Variants in CUX1 observed in about 807,000 individuals in gnomAD.
CUX1 encodes the protein protein CASP.
In CUX1, 31 loss-of-function variants were observed where a neutral mutation model predicts 158.8. The ratio of observed to expected loss-of-function variants is 0.20; its 90% confidence interval spans 0.15 to 0.26. The LOEUF (loss-of-function observed/expected upper bound fraction) is 0.26. Among genes scored for constraint, CUX1 ranks in the 10% least tolerant of loss-of-function variants. CUX1 has a pLI of 1.00. For synonymous variants in CUX1, 879 were observed against 862.1 expected, an observed-to-expected ratio of 1.02 and a Z score of -0.34; for missense variants, 1,589 against 2,014.6, an observed-to-expected ratio of 0.79 and a Z score of 4.04.
chr7:101,900,773 C>G (rs916392824), intron 1 of CUX1, among the ~76,000 whole-genome samples: 3 of 152,050 alleles, frequency 2.0e-5, no homozygotes, highest in Non-Finnish European at 1.5e-5. Context: ...AAAAGCCAAA[C>G]CTGACAGTTT....
intron 20 of CUX1, among the ~76,000 whole-genome samples, chr7:102,224,883 C>T (rs1798192827): frequency 6.6e-6 from 1 of 152,180 alleles, no homozygotes; most frequent in Non-Finnish European, 1.5e-5. Context: ...TTAAAGGACA[C>T]AAAACCTGAA....
intron 4 of CUX1, among the ~76,000 whole-genome samples, chr7:102,090,509 T>A (rs1554481913): frequency 6.6e-6 from 1 of 151,912 alleles, no homozygotes; most frequent in East Asian, 1.9e-4. Context: ...TGCCTCAGCC[T>A]CCCGAGTAGC....
At position 102,012,701 on chromosome 7, in the gene CUX1, G is replaced by C. The variant is rs562408785; in HGVS notation, c.142-15397G>C. Among the ~76,000 whole-genome samples, 29 of 124,462 alleles carry C rather than the reference G, an allele frequency of 2.3e-4. 1 individual carries two copies. In the East Asian group the frequency reaches 6.1e-3, roughly 26 times the overall value. The allele number at this position is 124,462 out of a possible 152,430, so 81.7% of individuals were successfully genotyped here. ...TGTCCACTCTGTGTCCTGGAGAGTG[G>C]GGGCGGGGGGAGGGGGTTGTCCGTC... On this transcript the variant is annotated intron_variant, in intron 2 of 23. Coordinates refer to ENST00000292535, the MANE Select transcript of CUX1 (RefSeq NM_181552.4).
chr7:102,058,861 G>A (rs1185236332), intron 3 of CUX1, among the ~76,000 whole-genome samples: 2 of 152,220 alleles, frequency 1.3e-5, no homozygotes, highest in Non-Finnish European at 2.9e-5. Context: ...CTTTTTGGGA[G>A]CAGCAGTAGG....
chr7:101,827,244 C>CCTTCTCTTCTCTTCTCTTCTCTTCCTTCT (rs1793415297), intron 1 of CUX1, among the ~76,000 whole-genome samples: 9 of 129,676 alleles, frequency 6.9e-5, no homozygotes, highest in Admixed American at 2.5e-4. Flanking sequence ...CCCCTCCCCT[C>CCTTCTCTTCTCTTCTCTTCTCTTCCTTCT]CTTCTCTTCT....
intron 1 of CUX1, among the ~76,000 whole-genome samples, chr7:101,862,069 A>T (rs542092302): frequency 2.4e-4 from 37 of 152,286 alleles, no homozygotes; most frequent in African/African-American, 8.9e-4. Flanking sequence ...TCCTGACCTC[A>T]TATGATTCGC....
chr7:102,278,644 TAAAATAAAATAAAAA>T (rs1186200249), intron 18 of CUX1, among the ~76,000 whole-genome samples: 4 of 59,770 alleles, frequency 6.7e-5, no homozygotes, highest in Admixed American at 1.8e-4. Flanking sequence ...TAAAATAAAA[TAAAATAAAATAAAAA>T]AATAAAATAA....
intron 2 of CUX1, among the ~76,000 whole-genome samples, chr7:101,962,520 C>T (rs1021614657): frequency 5.9e-5 from 9 of 152,230 alleles, no homozygotes; most frequent in South Asian, 2.1e-4. Context: ...CTGTCTTTCC[C>T]GTGTCTGCCA....
intron 4 of CUX1, among the ~76,000 whole-genome samples, chr7:102,090,887 A>G (rs914462704): frequency 6.6e-6 from 1 of 152,302 alleles, no homozygotes; most frequent in South Asian, 2.1e-4. Context: ...ACATATGCAC[A>G]GTTAGTATGC....
intron 4 of CUX1, among the ~76,000 whole-genome samples, chr7:102,078,660 A>G (rs2130710798): frequency 6.6e-6 from 1 of 152,334 alleles, no homozygotes; most frequent in Middle Eastern, 3.4e-3. Context: ...TCATTGACTC[A>G]TGAAACACTG....
At chr7:102,144,684 AAC>A (rs1491431134) in intron 8 of CUX1, among the ~76,000 whole-genome samples, 1 of 151,314 alleles carries the variant, frequency 6.6e-6, no homozygotes, top group African/African-American at 2.4e-5. Context: ...AAAAAAAAAA[AAC>A]AGTAAAAATA....
chr7:102,007,016 C>T (rs1817458039), intron 2 of CUX1, among the ~76,000 whole-genome samples: 1 of 152,330 alleles, frequency 6.6e-6, no homozygotes, highest in South Asian at 2.1e-4. Context: ...CACGAGCTGC[C>T]TTGGGATGGA....
chr7:102,268,683 A>G (rs1421724279), intron 14 of CUX1, among the ~76,000 whole-genome samples: 1 of 152,108 alleles, frequency 6.6e-6, no homozygotes, highest in Non-Finnish European at 1.5e-5. Context: ...TGCAGGCTGT[A>G]CCAGAAGCGT....
rs1212606661 is a variant in CUX1, at chr7:101,914,376, CTCCCTCCCTCCCTCCCTCTT to C, written c.31-1703_31-1684del. ...CTTCCTTCCTTCCTTCCTTCCCTCCCTCCCTCCCTCCCTCCCTCTTTCCCTCCCTCCCTCCCTCTTTCCCT... is the reference window on the plus strand; with the variant it reads ...CTTCCTTCCTTCCTTCCTTCCCTCCCTCCCTCCCTCCCTCCCTCTTTCCCT... On this transcript the variant is annotated intron_variant, in intron 1 of 23. Coordinates refer to ENST00000292535, the MANE Select transcript of CUX1 (RefSeq NM_181552.4). Among the ~76,000 whole-genome samples, 148 of 101,372 alleles carry C rather than the reference CTCCCTCCCTCCCTCCCTCTT, an allele frequency of 1.5e-3. 2 individuals carry two copies. Among genetic ancestry groups the C allele is most frequent in the African/African-American group, 2.3e-3 (66 of 28,548 alleles). The allele number at this position is 101,372 out of a possible 152,430, so 66.5% of individuals were successfully genotyped here. A position where few individuals can be genotyped will look rare whatever the true frequency, so the allele number is the denominator to read the frequency against.
chr7:101,985,330 G>A (rs1230856321), intron 2 of CUX1, among the ~76,000 whole-genome samples: 1 of 152,200 alleles, frequency 6.6e-6, no homozygotes, highest in African/African-American at 2.4e-5. Flanking sequence ...CCCTGTGGGG[G>A]AGACACAGAC....
downstream of CUX1, among the ~76,000 whole-genome samples, chr7:102,260,655 T>A (rs111627207): frequency 7.9e-6 from 1 of 125,800 alleles, no homozygotes; most frequent in South Asian, 2.9e-4. Flanking sequence ...AACTCCTGAC[T>A]TCAAGTGATC....
chr7:102,195,808 G>C (rs1563386964), intron 14 of CUX1, among the ~76,000 whole-genome samples: 1 of 152,168 alleles, frequency 6.6e-6, no homozygotes, highest in Non-Finnish European at 1.5e-5. Context: ...GCTGGATGTC[G>C]AGACGGGCCA....
At chr7:102,005,962 G>A (rs543676975) in intron 2 of CUX1, among the ~76,000 whole-genome samples, 21 of 152,214 alleles carry the variant, frequency 1.4e-4, no homozygotes, top group Non-Finnish European at 2.4e-4. Context: ...GAGCGGCCGC[G>A]TGGATGAGGT....
chr7:102,260,782 G>A (rs181813396), downstream of CUX1, among the ~76,000 whole-genome samples: 275 of 152,218 alleles, frequency 1.8e-3, no homozygotes, highest in Middle Eastern at 0.01. Flanking sequence ...GTGGCGCGAC[G>A]TGATGATGAG....
Sources: allele counts gnomAD v4.1 joint callset (sites outside exome capture counted in the v4.1 genomes callset), GRCh38; gene constraint gnomAD v4.1.1; transcripts MANE v1.5; gene names NCBI Gene and HGNC (gene_info 2026-07-23, HGNC 2026-07-21).